The following WDR70 variants were observed in gnomAD, a reference collection of about 807,000 sequenced individuals.
WDR70 encodes the protein WD repeat-containing protein 70.
In WDR70, 53 loss-of-function variants were observed where a neutral mutation model predicts 88.6. That is an observed-to-expected ratio of 0.60 (90% CI 0.48 to 0.75). The LOEUF is 0.75. WDR70 is among the 30% of genes least tolerant of loss of function. WDR70 has a pLI of 0.00. For missense variants in WDR70, 610 were observed against 823.2 expected (o/e 0.74, Z 3.17); for synonymous variants, 280 against 270.0 (o/e 1.04, Z -0.36).
At chr5:37,624,191 T>C (rs1460145029) in intron 10 of WDR70, among the ~76,000 whole-genome samples, 1 of 152,182 alleles carries the variant, frequency 6.6e-6, no homozygotes, top group East Asian at 1.9e-4. Flanking sequence ...ACAAATCTCT[T>C]TCTAACCCTC....
intron 17 of WDR70, among the ~76,000 whole-genome samples, chr5:37,727,577 T>TTTTA (rs1340609904): frequency 6.6e-6 from 1 of 152,134 alleles, no homozygotes; most frequent in Admixed American, 6.6e-5. Context: ...CCGTTTTTAT[T>TTTTA]TTTATTTATT....
At chr5:37,510,083 C>T (rs1740677927) in intron 8 of WDR70, among the ~76,000 whole-genome samples, 1 of 150,672 alleles carries the variant, frequency 6.6e-6, no homozygotes, top group African/African-American at 2.5e-5. Flanking sequence ...ACACTCCCCC[C>T]CCCAAAAAAA....
At chr5:37,611,613 G>A (rs542879105) in intron 10 of WDR70, among the ~76,000 whole-genome samples, 13 of 151,716 alleles carry the variant, frequency 8.6e-5, no homozygotes, top group African/African-American at 2.9e-4. Context: ...AGTCTTATTT[G>A]TGATAAATTT....
chr5:37,427,041 T>C (rs2886593), intron 5 of WDR70, among the ~76,000 whole-genome samples: 73,314 of 152,038 alleles, frequency 0.48, 20,009 homozygotes, highest in Non-Finnish European at 0.61. Flanking sequence ...CTCTGAAAGT[T>C]TTAGAATTAC....
chr5:37,416,646 A>G (rs147152990), intron 5 of WDR70, among the ~76,000 whole-genome samples: 14 of 149,554 alleles, frequency 9.4e-5, no homozygotes, highest in African/African-American at 3.0e-4. Flanking sequence ...ATGGGGTGAT[A>G]TCGGCTCACT....
At chr5:37,478,810 G>A (rs1257426190) in intron 7 of WDR70, among the ~76,000 whole-genome samples, 1 of 152,222 alleles carries the variant, frequency 6.6e-6, no homozygotes. Flanking sequence ...TTAGCCATCA[G>A]TAGGCAAAAT....
intron 9 of WDR70, among the ~76,000 whole-genome samples, chr5:37,526,685 G>A (rs1741286202): frequency 6.6e-6 from 1 of 152,194 alleles, no homozygotes; most frequent in Non-Finnish European, 1.5e-5. Context: ...AAAAGAGGAA[G>A]TCAAATTGGC....
chr5:37,612,064 T>A (rs1398929051), intron 10 of WDR70, among the ~76,000 whole-genome samples: 4 of 152,152 alleles, frequency 2.6e-5, no homozygotes, highest in Non-Finnish European at 5.9e-5. Context: ...TAATAATAGG[T>A]GTTCAAGTTA....
chr5:37,416,565 GGGC>G, intron 5 of WDR70, among the ~76,000 whole-genome samples: 2 of 150,122 alleles, frequency 1.3e-5, no homozygotes, highest in African/African-American at 5.0e-5. Context: ...GAGAGGGAGA[GGGC>G]TTGGGAGAGG....
At chr5:37,652,773 C>T (rs10076872) in intron 10 of WDR70, among the ~76,000 whole-genome samples, 16,107 of 152,166 alleles carry the variant, frequency 0.11, 2,741 homozygotes, top group African/African-American at 0.36. Context: ...ATGCTTGTGA[C>T]TTTTGCACAT....
rs1384019823 is a variant in WDR70 at position 37,461,574 on chromosome 5, C to T, written c.686+18202C>T. Among the ~76,000 whole-genome samples, 11 of 152,136 alleles carry T rather than the reference C, an allele frequency of 7.2e-5. No individual in the cohort carries two copies. In the South Asian group the frequency reaches 2.3e-3, roughly 32 times the overall value. ...TCTCCGCTCACTGCAAGCTCTGCCT[C>T]CTGGGTTCACGCCGTTCTCCTGCCT... is the stretch of plus-strand genomic sequence containing the variant. On this transcript the variant is annotated intron_variant, in intron 7 of 17. Transcript: ENST00000265107.
chr5:37,653,062 T>C (rs1745452646), intron 10 of WDR70, among the ~76,000 whole-genome samples: 1 of 152,228 alleles, frequency 6.6e-6, no homozygotes, highest in Non-Finnish European at 1.5e-5. Context: ...TTCAGTGTGA[T>C]ACTGGCTGTG....
At chr5:37,560,279 T>C (rs1019566884) in intron 9 of WDR70, among the ~76,000 whole-genome samples, 1 of 152,092 alleles carries the variant, frequency 6.6e-6, no homozygotes, top group Non-Finnish European at 1.5e-5. Context: ...TTTTTCAAAA[T>C]CATTACAGAT....
intron 10 of WDR70, among the ~76,000 whole-genome samples, chr5:37,677,618 A>C (rs1372528763): frequency 6.6e-6 from 1 of 151,960 alleles, no homozygotes; most frequent in South Asian, 2.1e-4. Flanking sequence ...TATAATTTCT[A>C]TTCTTTTACA....
chr5:37,622,818 C>G (rs868807598), intron 10 of WDR70, among the ~76,000 whole-genome samples: 2 of 152,060 alleles, frequency 1.3e-5, no homozygotes, highest in Admixed American at 1.3e-4. Context: ...GTGCAGCACA[C>G]CAACATGGCA....
intron 3 of WDR70, among the ~76,000 whole-genome samples, chr5:37,389,401 C>G (rs952211629): frequency 6.6e-6 from 1 of 151,564 alleles, no homozygotes; most frequent in African/African-American, 2.4e-5. Flanking sequence ...GCTTCAGGCC[C>G]ATTCTTTTTT....
At chr5:37,745,939 C>T in intron 17 of WDR70, among the ~76,000 whole-genome samples, 1 of 152,162 alleles carries the variant, frequency 6.6e-6, no homozygotes, top group Non-Finnish European at 1.5e-5. Flanking sequence ...TAGACGTCTA[C>T]AGAACTCTCT....
At chr5:37,465,175 A>G (rs1256842629) in intron 7 of WDR70, among the ~76,000 whole-genome samples, 1 of 152,220 alleles carries the variant, frequency 6.6e-6, no homozygotes, top group Non-Finnish European at 1.5e-5. Context: ...GAAGGATACC[A>G]TGGGGCCAGA....
intron 7 of WDR70, among the ~76,000 whole-genome samples, chr5:37,453,430 T>C (rs1451715563): frequency 1.3e-5 from 2 of 152,270 alleles, no homozygotes; most frequent in South Asian, 2.1e-4. Flanking sequence ...GGGCTAGTTA[T>C]CTGCAGCAGG....
Sources: allele counts gnomAD v4.1 joint callset (sites outside exome capture counted in the v4.1 genomes callset), GRCh38; gene constraint gnomAD v4.1.1; transcripts MANE v1.5; gene names NCBI Gene and HGNC (gene_info 2026-07-23, HGNC 2026-07-21).